The following SUMF1 variants were observed in gnomAD, a reference collection of about 807,000 sequenced individuals.
The protein encoded by SUMF1 is sulfatase modifying factor 1.
A neutral mutation model predicts 47.6 loss-of-function variants in SUMF1; 48 were observed. The ratio of observed to expected loss-of-function variants is 1.01; its 90% confidence interval spans 0.80 to 1.28. The LOEUF (loss-of-function observed/expected upper bound fraction) is 1.28. SUMF1 is among the 50% of genes most tolerant of loss of function. SUMF1 has a pLI of 0.00. For synonymous variants in SUMF1, 230 were observed against 192.1 expected (o/e 1.20, Z -1.63); for missense variants, 571 against 485.4 (o/e 1.18, Z -1.66).
chr3:4,285,417 TTTC>T (rs1433956027), intron 8 of SUMF1, among the ~76,000 whole-genome samples: 2 of 151,982 alleles, frequency 1.3e-5, no homozygotes, highest in African/African-American at 4.8e-5. Context: ...ACAGGTGATT[TTTC>T]TTTTTTTGTG....
At chr3:4,250,499 G>A (rs1173163297) in intron 8 of SUMF1, among the ~76,000 whole-genome samples, 1 of 152,072 alleles carries the variant, frequency 6.6e-6, no homozygotes, top group East Asian at 1.9e-4. Context: ...AATTCATAAA[G>A]GTAGCGACAC....
chr3:4,128,143 G>A (rs759054171), intron 8 of SUMF1, among the ~76,000 whole-genome samples: 2 of 152,146 alleles, frequency 1.3e-5, no homozygotes, highest in East Asian at 1.9e-4. Flanking sequence ...AATCTGCTAA[G>A]ATTGCCCTGA....
chr3:4,052,324 G>C (rs114028191), intron 9 of SUMF1, among the ~76,000 whole-genome samples: 2,144 of 152,198 alleles, frequency 0.014, 56 homozygotes, highest in African/African-American at 0.049. Context: ...ATCACATTAG[G>C]GGTTAGGAAC....
intron 1 of SUMF1, among the ~76,000 whole-genome samples, chr3:4,453,376 T>G (rs1330411255): frequency 1.3e-5 from 2 of 148,312 alleles, no homozygotes; most frequent in Non-Finnish European, 3.0e-5. Flanking sequence ...CCCACTTTTC[T>G]TTTTTTTTTG....
At chr3:4,064,741 C>CAGGT (rs1249122749) in intron 9 of SUMF1, among the ~76,000 whole-genome samples, 1 of 152,112 alleles carries the variant, frequency 6.6e-6, no homozygotes, top group Non-Finnish European at 1.5e-5. Flanking sequence ...GAATTGAACC[C>CAGGT]AGGTCTACAG....
At chr3:4,414,126 A>G (rs1274799224) in intron 6 of SUMF1, among the ~76,000 whole-genome samples, 1 of 152,096 alleles carries the variant, frequency 6.6e-6, no homozygotes, top group Non-Finnish European at 1.5e-5. Flanking sequence ...CAGACTCCCA[A>G]AGTGCTGGGA....
chr3:4,169,196 A>G (rs372459158), intron 8 of SUMF1, among the ~76,000 whole-genome samples: 2 of 152,206 alleles, frequency 1.3e-5, no homozygotes, highest in Non-Finnish European at 2.9e-5. Context: ...AACAGCTGCT[A>G]TTAAACTTCA....
intron 8 of SUMF1, among the ~76,000 whole-genome samples, chr3:4,116,744 G>A (rs188567265): frequency 3.3e-5 from 5 of 152,010 alleles, no homozygotes; most frequent in Admixed American, 1.3e-4. Flanking sequence ...ATAGGGTATC[G>A]TGCTGAAAAT....
intron 8 of SUMF1, among the ~76,000 whole-genome samples, chr3:4,255,597 G>A (rs1696932048): frequency 9.7e-6 from 1 of 103,328 alleles, no homozygotes; most frequent in African/African-American, 4.2e-5. Context: ...CAACACAGGA[G>A]CACCCAGATT....
intron 8 of SUMF1, among the ~76,000 whole-genome samples, chr3:4,367,872 C>T (rs1351567253): frequency 1.3e-5 from 2 of 151,590 alleles, no homozygotes; most frequent in African/African-American, 4.8e-5. Flanking sequence ...AGACCTAAAG[C>T]CATAAAAACT....
chr3:4,267,110 T>C (rs1447473713), intron 8 of SUMF1, among the ~76,000 whole-genome samples: 3 of 152,194 alleles, frequency 2.0e-5, no homozygotes, highest in Non-Finnish European at 4.4e-5. Context: ...TTTGATGTGC[T>C]GCTGGATTCA....
In SUMF1 at chr3:4,458,318, G is replaced by A. The variant is rs112524399; in HGVS notation, c.271-5269C>T. ...ATACAGTGATTATGGAAAACAATAT[G>A]GAGGTTCCTCAGAAATCTGCAAACA... On this transcript the variant is annotated intron_variant, in intron 1 of 8. Transcript: ENST00000272902. 2.0e-4 allele frequency among the ~76,000 whole-genome samples: 30 copies of A among 152,220 alleles called. No homozygotes were observed. The South Asian group carries it at 5.0e-3, about 25-fold the overall frequency.
intron 8 of SUMF1, among the ~76,000 whole-genome samples, chr3:4,231,094 T>A (rs1255372212): frequency 1.3e-5 from 2 of 152,134 alleles, no homozygotes; most frequent in Non-Finnish European, 2.9e-5. Flanking sequence ...TCCTGAACAA[T>A]TCACCATGCC....
intron 8 of SUMF1, among the ~76,000 whole-genome samples, chr3:4,127,253 G>C (rs1364676478): frequency 6.6e-6 from 1 of 152,124 alleles, no homozygotes; most frequent in Non-Finnish European, 1.5e-5. Context: ...AAAGTGGTTG[G>C]TTACAAAGCA....
intron 8 of SUMF1, chr3:4,313,198 C>T: frequency 3.1e-6 from 5 of 1,613,950 alleles, no homozygotes; most frequent in African/African-American, 1.3e-5. Context: ...AGGCTGGGGA[C>T]TTCGTACCTT....
intron 8 of SUMF1, among the ~76,000 whole-genome samples, chr3:4,363,734 G>A (rs1305404317): frequency 8.2e-6 from 1 of 121,550 alleles, no homozygotes; most frequent in African/African-American, 3.1e-5. Context: ...CTGCCTAATC[G>A]CCCTGGCCAG....
chr3:4,271,468 T>TAGATAGAC (rs780233825), intron 8 of SUMF1, among the ~76,000 whole-genome samples: 245 of 15,698 alleles, frequency 0.016, no homozygotes, highest in Non-Finnish European at 0.019. Context: ...ATACTATCTA[T>TAGATAGAC]AGATAGATAG....
chr3:4,334,580 A>G (rs570847420), intron 8 of SUMF1, among the ~76,000 whole-genome samples: 1 of 152,338 alleles, frequency 6.6e-6, no homozygotes, highest in African/African-American at 2.4e-5. Flanking sequence ...GACCCCAAAC[A>G]GACAGAAGAA....
intron 8 of SUMF1, among the ~76,000 whole-genome samples, chr3:4,340,105 G>GCACACA (rs143927076): frequency 0.038 from 5,776 of 150,628 alleles, 122 homozygotes; most frequent in African/African-American, 0.059. Context: ...GCACCAATGT[G>GCACACA]CACACACACA....
Sources: allele counts gnomAD v4.1 joint callset (sites outside exome capture counted in the v4.1 genomes callset), GRCh38; gene constraint gnomAD v4.1.1; transcripts MANE v1.5; gene names NCBI Gene and HGNC (gene_info 2026-07-23, HGNC 2026-07-21).